Variants in MYO16 observed in about 807,000 individuals in gnomAD.
MYO16 encodes myosin XVI.
In MYO16, 94 loss-of-function variants were observed where a neutral mutation model predicts 205.3. The observed-to-expected ratio is 0.46, with a 90% CI of 0.39 to 0.54. The LOEUF (loss-of-function observed/expected upper bound fraction) is 0.54. Ranked by LOEUF, MYO16 falls within the 20% of genes least tolerant of loss-of-function variation. The probability of loss-of-function intolerance (pLI) is 0.00; values close to 1 mark genes in which losing one functional copy is unlikely to be tolerated. For synonymous variants in MYO16, 988 were observed against 954.0 expected (o/e 1.04, Z -0.66); for missense variants, 2,315 against 2,387.5 (o/e 0.97, Z 0.63).
chr13:108,758,071 C>G (rs201810141), intron 4 of MYO16, among the ~76,000 whole-genome samples: 1 of 152,110 alleles, frequency 6.6e-6, no homozygotes, highest in Non-Finnish European at 1.5e-5. Context: ...GCTAGCTGGC[C>G]CCTTCTGCCA....
At chr13:108,769,622 TG>T (rs1366622971) in intron 4 of MYO16, among the ~76,000 whole-genome samples, 1 of 152,202 alleles carries the variant, frequency 6.6e-6, no homozygotes, top group East Asian at 1.9e-4. Flanking sequence ...CAAGTAAACC[TG>T]TTAAGCAACC....
chr13:108,971,803 C>T (rs1158393274), intron 20 of MYO16, among the ~76,000 whole-genome samples: 1 of 151,866 alleles, frequency 6.6e-6, no homozygotes, highest in Non-Finnish European at 1.5e-5. Flanking sequence ...ACCCAGGTTA[C>T]AAAAACTTGT....
At chr13:108,860,730 C>T (rs1594350947) in intron 11 of MYO16, among the ~76,000 whole-genome samples, 1 of 152,232 alleles carries the variant, frequency 6.6e-6, no homozygotes, top group East Asian at 1.9e-4. Flanking sequence ...GCTGGGACAA[C>T]CGGCTAACCA....
chr13:108,606,998 G>A (rs183327110), intron 1 of MYO16, among the ~76,000 whole-genome samples: 1 of 152,216 alleles, frequency 6.6e-6, no homozygotes, highest in Admixed American at 6.5e-5. Context: ...TACCCTGTTG[G>A]ACTTTGGACT....
At chr13:108,977,050 T>A (rs1323038971) in intron 20 of MYO16, among the ~76,000 whole-genome samples, 6 of 152,218 alleles carry the variant, frequency 3.9e-5, no homozygotes, top group Admixed American at 1.3e-4. Context: ...CCACATTTTT[T>A]AATTTTCTCT....
rs143135975 is a variant in MYO16, at chr13:109,149,033, T to C, written c.5164+7657T>C. Among the ~76,000 whole-genome samples the C allele has an allele frequency of 5.4e-3, 830 of 152,320 alleles. 23 individuals are homozygous for C. Among genetic ancestry groups the C allele is most frequent in the Non-Finnish European group, 1.3e-3 (88 of 68,028 alleles). ...ACTTTCCTTGCATGGAATCAGAGCC[T>C]GATAGGCTTTGTACCTGGAAGCTCC... On this transcript the variant is annotated intron_variant, in intron 32 of 34. Coordinates refer to ENST00000457511, the MANE Select transcript of MYO16 (RefSeq NM_001198950.3).
intron 2 of MYO16, among the ~76,000 whole-genome samples, chr13:108,674,634 C>T (rs967434853): frequency 6.6e-6 from 1 of 152,138 alleles, no homozygotes; most frequent in Admixed American, 6.5e-5. Context: ...CTTTAGAATC[C>T]GTCAAATCTA....
intron 13 of MYO16, among the ~76,000 whole-genome samples, chr13:108,885,064 G>C (rs1226753465): frequency 1.3e-5 from 2 of 152,020 alleles, no homozygotes; most frequent in Admixed American, 6.5e-5. Flanking sequence ...CACTGAGGTG[G>C]GGGCTCCAAC....
chr13:109,151,059 G>A (rs1877633000), intron 32 of MYO16, among the ~76,000 whole-genome samples: 1 of 152,220 alleles, frequency 6.6e-6, no homozygotes, highest in African/African-American at 2.4e-5. Flanking sequence ...TTTCTCTCCT[G>A]AAGAGTATTG....
At chr13:108,518,949 A>G in the MYO16 span, among the ~76,000 whole-genome samples, 1 of 152,254 alleles carries the variant, frequency 6.6e-6, no homozygotes. Context: ...CATCTCTATC[A>G]TGCCAAAGGA....
Position 109,055,067 on chromosome 13 carries a change from T to C in MYO16, c.3070T>C (p.Ser1024Pro). Reference protein sequence around the residue: ...LSKLLKKKGTSTFLQRLERGD... With the variant: ...LSKLLKKKGTPTFLQRLERGD... The stretch of plus-strand genomic sequence containing the variant: ...ACAGTTATTAAAAAAGAAAGGAACT[T>C]CTACATTTCTTCAAAGATTGGAACG... The change falls in exon 26 of 35, where the codon TCT (serine) becomes CCT (proline). Residue 1024 changes from serine to proline, a missense_variant. This residue lies in a region of MYO16 where 1,213 missense variants were observed against 1,274.4 expected (regional missense o/e 0.95). Coordinates refer to ENST00000457511, the MANE Select transcript of MYO16 (RefSeq NM_001198950.3). This position sits in a 1 kb window ranked among gnomAD's most constrained non-coding sequence, Gnocchi z 5.0. The C allele has an allele frequency of 6.3e-7, 1 of 1,578,768 alleles. No individual in the cohort carries two copies. Among genetic ancestry groups the C allele is most frequent in the Non-Finnish European group, 8.6e-7 (1 of 1,161,624 alleles).
the MYO16 span, among the ~76,000 whole-genome samples, chr13:108,501,358 T>C: frequency 6.6e-6 from 1 of 152,142 alleles, no homozygotes; most frequent in East Asian, 1.9e-4. Context: ...ATCTCACCTG[T>C]TATCGTATCT....
intron 34 of MYO16, among the ~76,000 whole-genome samples, chr13:109,197,629 C>G (rs904204847): frequency 6.6e-6 from 1 of 152,104 alleles, no homozygotes; most frequent in Non-Finnish European, 1.5e-5. Context: ...ATCAACATTA[C>G]TCCAACTCTT....
intron 4 of MYO16, among the ~76,000 whole-genome samples, chr13:108,773,017 A>G (rs1886017837): frequency 6.6e-6 from 1 of 152,200 alleles, no homozygotes; most frequent in African/African-American, 2.4e-5. Flanking sequence ...CAAGTGCCAG[A>G]TTTGATGTTT....
chr13:108,994,475 G>A (rs780692538), intron 21 of MYO16, among the ~76,000 whole-genome samples: 16 of 152,058 alleles, frequency 1.1e-4, no homozygotes, highest in Non-Finnish European at 1.5e-4. Flanking sequence ...ATCTTTTGAC[G>A]AGTGCAAATT....
intron 1 of MYO16, among the ~76,000 whole-genome samples, chr13:108,665,474 C>A (rs1421089522): frequency 6.6e-6 from 1 of 152,076 alleles, no homozygotes; most frequent in Non-Finnish European, 1.5e-5. Context: ...TACGCAAAAG[C>A]AAATCTATTA....
At position 109,141,347 on chromosome 13, in the gene MYO16, C is replaced by A. The variant is rs751106008; in HGVS notation, c.5135C>A (p.Ala1712Glu). ...NSGRSVLRKS[A>E]AGRKIREAEG... is the part of the protein sequence containing the mutation. ...GGGAGGAGTGTGCTTCGGAAATCCG[C>A]GGCGGGAAGAAAAATCAGGGAAGCA... Residue 1712 changes from alanine (A) to glutamate (E), a missense_variant, in exon 32 of 35, where the codon GCG becomes GAG. By Grantham distance (107) the Ala-to-Glu change is moderately radical. Around this residue, in one of 3 missense-constraint regions of MYO16, gnomAD observed 1,097 missense variants for 1,092.0 expected, o/e 1.00. Coordinates refer to ENST00000457511, the MANE Select transcript of MYO16 (RefSeq NM_001198950.3). The surrounding 1 kb of genome is among the most constrained non-coding windows in gnomAD (Gnocchi z 4.1). 1 of 1,546,644 alleles carries A rather than the reference C, an allele frequency of 6.5e-7. No homozygotes were observed. The highest frequency in any genetic ancestry group is 8.7e-7 in the Non-Finnish European group (1 of 1,150,660).
At chr13:108,847,842 G>A (rs1190998794) in intron 10 of MYO16, among the ~76,000 whole-genome samples, 2 of 151,642 alleles carry the variant, frequency 1.3e-5, no homozygotes, top group Non-Finnish European at 2.9e-5. Context: ...CGACCTCCTG[G>A]GTTTTTTCAT....
At chr13:109,153,033 C>T (rs895165210) in intron 32 of MYO16, among the ~76,000 whole-genome samples, 1 of 152,102 alleles carries the variant, frequency 6.6e-6, no homozygotes. Context: ...ATCCAGGGGA[C>T]GAGACTCACA....
Sources: gnomAD v4.1 joint callset for allele counts (sites outside exome capture counted in the v4.1 genomes callset) on GRCh38, gnomAD v4.1.1 for gene constraint, gnomAD v4.1.1 regional missense constraint, Gnocchi (gnomAD v3.1) non-coding constraint, MANE v1.5 for transcripts, NCBI Gene and HGNC (gene_info 2026-07-23, HGNC 2026-07-21) for gene names.